FOXO3: variants seen among roughly 807,000 people sequenced by gnomAD.
FOXO3 encodes forkhead box protein O3.
Under a neutral mutation model 41.9 loss-of-function variants are expected in FOXO3, and 4 were observed. That is an observed-to-expected ratio of 0.10 (90% CI 0.05 to 0.22). The LOEUF (loss-of-function observed/expected upper bound fraction) is 0.22. FOXO3 is among the 10% of genes least tolerant of loss of function. The pLI is 1.00. For synonymous variants in FOXO3, 318 were observed against 389.3 expected (o/e 0.82, Z 2.16); for missense variants, 534 against 906.8 (o/e 0.59, Z 5.28).
At chr6:108,641,107 A>G (rs1049471673) in intron 1 of FOXO3, among the ~76,000 whole-genome samples, 5 of 152,006 alleles carry the variant, frequency 3.3e-5, no homozygotes, top group African/African-American at 1.2e-4. Flanking sequence ...ACAGGGTTTC[A>G]CCATGTTGGC....
chr6:108,584,737 A>G (rs577432425), intron 1 of FOXO3, among the ~76,000 whole-genome samples: 5 of 152,274 alleles, frequency 3.3e-5, no homozygotes, highest in South Asian at 2.1e-4. Flanking sequence ...ACTGAGTCCA[A>G]TGTTTATTTA....
chr6:108,620,484 C>T lies in FOXO3; in HGVS notation c.622-42971C>T, dbSNP rs930936955. Among the ~76,000 whole-genome samples the T allele has an allele frequency of 5.9e-5, 9 of 152,252 alleles. No homozygotes were observed. In the East Asian group the frequency reaches 7.7e-4, roughly 13 times the overall value. ...TTTTGCAGATAGGACCCCTGTATTT[C>T]TCCCATATTACTTTATAGCTGGTAG... On this transcript the variant is annotated intron_variant, in intron 1 of 2. Transcript: ENST00000406360.
intron 1 of FOXO3, among the ~76,000 whole-genome samples, chr6:108,621,653 C>T (rs986271084): frequency 6.6e-6 from 1 of 152,038 alleles, no homozygotes; most frequent in Non-Finnish European, 1.5e-5. Context: ...GCAGATGTGT[C>T]CAGCTCAAAA....
chr6:108,670,411 G>A (rs1298310374), intron 2 of FOXO3, among the ~76,000 whole-genome samples: 1 of 151,470 alleles, frequency 6.6e-6, no homozygotes, highest in East Asian at 1.9e-4. Context: ...TAGAGGTCCT[G>A]TAAGTCAATG....
chr6:108,660,729 G>A (rs1217297592), intron 1 of FOXO3, among the ~76,000 whole-genome samples: 3 of 152,120 alleles, frequency 2.0e-5, no homozygotes, highest in East Asian at 3.9e-4. Flanking sequence ...AAATTAGGCC[G>A]GGCATGGTGG....
At chr6:108,588,929 T>C (rs1776659916) in intron 1 of FOXO3, among the ~76,000 whole-genome samples, 1 of 152,230 alleles carries the variant, frequency 6.6e-6, no homozygotes, top group East Asian at 1.9e-4. Flanking sequence ...ACTTACACTT[T>C]TTGATGGAAG....
intron 1 of FOXO3, among the ~76,000 whole-genome samples, chr6:108,623,391 T>C (rs879125377): frequency 1.3e-5 from 2 of 152,208 alleles, no homozygotes; most frequent in Non-Finnish European, 2.9e-5. Context: ...CTTTCCTTTT[T>C]AATGTGTCAC....
At chr6:108,628,078 A>G (rs915502872) in intron 1 of FOXO3, among the ~76,000 whole-genome samples, 1 of 152,172 alleles carries the variant, frequency 6.6e-6, no homozygotes, top group Non-Finnish European at 1.5e-5. Context: ...GTGCAGGTTT[A>G]GTGAAGTAAT....
chr6:108,621,619 T>C (rs530928027), intron 1 of FOXO3, among the ~76,000 whole-genome samples: 1 of 152,178 alleles, frequency 6.6e-6, no homozygotes, highest in African/African-American at 2.4e-5. Flanking sequence ...CTAAATATCC[T>C]GCAGTGCATA....
intron 1 of FOXO3, among the ~76,000 whole-genome samples, chr6:108,633,373 G>A (rs1271397521): frequency 1.3e-5 from 2 of 151,372 alleles, no homozygotes; most frequent in African/African-American, 2.4e-5. Flanking sequence ...TAGAAGAGAA[G>A]GATTTGTCTT....
chr6:108,574,035 C>T (rs6899495), intron 1 of FOXO3, among the ~76,000 whole-genome samples: 27,812 of 151,666 alleles, frequency 0.18, 2,821 homozygotes, highest in Middle Eastern at 0.27. Context: ...TGCCTGTAAT[C>T]CCAGCTACTC....
At chr6:108,633,719 ACT>A (rs1236288388) in intron 1 of FOXO3, among the ~76,000 whole-genome samples, 1 of 151,622 alleles carries the variant, frequency 6.6e-6, no homozygotes, top group Non-Finnish European at 1.5e-5. Flanking sequence ...AGCATGATCT[ACT>A]CTTTTTTGGT....
At chr6:108,654,825 T>G (rs1345602662) in intron 1 of FOXO3, among the ~76,000 whole-genome samples, 3 of 152,294 alleles carry the variant, frequency 2.0e-5, no homozygotes, top group South Asian at 2.1e-4. Context: ...TATCAGGTTG[T>G]TTGTGCAATC....
At position 108,576,068 on chromosome 6, in the gene FOXO3, A is replaced by T. The variant is rs1326342629; in HGVS notation, c.621+14239A>T. Among the ~76,000 whole-genome samples the T allele has an allele frequency of 2.0e-5, 3 of 152,322 alleles. No homozygotes were observed. The East Asian group carries it at 5.8e-4, about 29-fold the overall frequency. ...ACATGGACTCTTAAGCTCATGATAG[A>T]TAATTTCCTAGGTGAGCTAGTATAC... On this transcript the variant is annotated intron_variant, in intron 1 of 2. Coordinates refer to ENST00000406360, the MANE Select transcript of FOXO3 (RefSeq NM_001455.4).
At chr6:108,645,462 T>C (rs2128380743) in intron 1 of FOXO3, among the ~76,000 whole-genome samples, 1 of 152,154 alleles carries the variant, frequency 6.6e-6, no homozygotes, top group South Asian at 2.1e-4. Flanking sequence ...GAATTGCTTT[T>C]TTTTTTTTTT....
In FOXO3 at chr6:108,561,627, C is replaced by T. The variant is rs111556510; in HGVS notation, c.419C>T (p.Ala140Val). ...QQPLPPPQPG[A>V]AGGSGQPRKC... ...CCGCTGCCACCGCCGCAGCCGGGGG[C>T]GGCTGGGGGCTCCGGGCAGCCGAGG... Residue 140 changes from alanine to valine, a missense_variant, in exon 1 of 3, where the codon GCG becomes GTG. By Grantham distance (64) the Ala-to-Val change is moderately conservative. Transcript: ENST00000406360. 72,138 of 1,555,948 alleles carry T rather than the reference C, an allele frequency of 0.046. 1,924 individuals are homozygous for T. The highest frequency in any genetic ancestry group is 0.092 in the Middle Eastern group (482 of 5,218).
At position 108,663,825 on chromosome 6, in the gene FOXO3, C is replaced by T. The variant is rs1403627029; in HGVS notation, c.992C>T (p.Thr331Ile). The part of the protein sequence containing the change: ...SGRLSPIMAS[T>I]ELDEVQDDDA... ...CGCCTGTCGCCCATCATGGCAAGCA[C>T]AGAGTTGGATGAAGTCCAGGACGAT... Residue 331 changes from threonine to isoleucine, a missense_variant, in exon 2 of 3, where the codon ACA (threonine) becomes ATA (isoleucine). Thr to Ile is a moderately conservative substitution (Grantham distance 89). Around this residue, in one of 8 missense-constraint regions of FOXO3, gnomAD observed 185 missense variants for 224.9 expected, o/e 0.82. Transcript: ENST00000406360. The T allele has an allele frequency of 2.5e-6, 4 of 1,613,914 alleles. No individual in the cohort carries two copies. Among genetic ancestry groups the T allele is most frequent in the Admixed American group, 3.3e-5 (2 of 60,006 alleles).
intron 1 of FOXO3, among the ~76,000 whole-genome samples, chr6:108,643,150 C>T (rs1341439773): frequency 2.0e-5 from 3 of 152,150 alleles, no homozygotes; most frequent in Non-Finnish European, 4.4e-5. Flanking sequence ...CTTTTGGTAC[C>T]TCCAGTTTTT....
At chr6:108,606,580 A>G (rs1336098310) in intron 1 of FOXO3, among the ~76,000 whole-genome samples, 2 of 152,172 alleles carry the variant, frequency 1.3e-5, no homozygotes, top group African/African-American at 4.8e-5. Flanking sequence ...AGGAGACTGC[A>G]TGAAAAACTT....
Sources: allele counts gnomAD v4.1 joint callset (sites outside exome capture counted in the v4.1 genomes callset), GRCh38; gene constraint gnomAD v4.1.1; regional missense constraint gnomAD v4.1.1; transcripts MANE v1.5; gene names NCBI Gene and HGNC (gene_info 2026-07-23, HGNC 2026-07-21).